The following LRP1B variants were observed in gnomAD, a reference collection of about 807,000 sequenced individuals.
The protein encoded by LRP1B is LDL receptor related protein 1B, also known as low-density lipoprotein receptor-related protein 1B.
In LRP1B, 217 loss-of-function variants were observed where a neutral mutation model predicts 556.6. That is an observed-to-expected ratio of 0.39 (90% CI 0.35 to 0.44). The LOEUF (loss-of-function observed/expected upper bound fraction) is 0.44. LRP1B is among the 20% of genes least tolerant of loss of function. The pLI, the probability that LRP1B is intolerant of heterozygous loss-of-function variation, is 1.00. For synonymous variants in LRP1B, 2,047 were observed against 1,865.8 expected (o/e 1.10, Z -2.50); for missense variants, 5,053 against 5,620.8 (o/e 0.90, Z 3.23).
intron 27 of LRP1B, among the ~76,000 whole-genome samples, chr2:140,866,360 A>C (rs1267920197): frequency 6.6e-6 from 1 of 152,130 alleles, no homozygotes; most frequent in Non-Finnish European, 1.5e-5. Flanking sequence ...ATTTAAATTT[A>C]ATCAAATTCA....
chr2:141,430,173 T>G (rs1371531775), intron 3 of LRP1B, among the ~76,000 whole-genome samples: 1 of 137,352 alleles, frequency 7.3e-6, no homozygotes, highest in Non-Finnish European at 1.6e-5. Flanking sequence ...GTCTGAGCAG[T>G]GTCTATTACA....
intron 5 of LRP1B, among the ~76,000 whole-genome samples, chr2:141,238,055 T>C (rs1683724070): frequency 6.6e-6 from 1 of 152,182 alleles, no homozygotes. Context: ...ATGAAAGATA[T>C]GTAATTGATA....
chr2:141,850,860 T>C (rs982378878), intron 1 of LRP1B, among the ~76,000 whole-genome samples: 2 of 151,714 alleles, frequency 1.3e-5, no homozygotes, highest in Non-Finnish European at 2.9e-5. Flanking sequence ...GCTTTATTTT[T>C]TTCCTCCTTA....
chr2:140,761,457 T>C (rs910494328), intron 35 of LRP1B, among the ~76,000 whole-genome samples: 6 of 152,150 alleles, frequency 3.9e-5, no homozygotes, highest in Non-Finnish European at 7.4e-5. Context: ...TTCTAATAAA[T>C]AGAATATACC....
At chr2:140,253,747 T>C (rs1371697306) in intron 86 of LRP1B, among the ~76,000 whole-genome samples, 1 of 152,172 alleles carries the variant, frequency 6.6e-6, no homozygotes, top group African/African-American at 2.4e-5. Context: ...ACTGAATACA[T>C]TACATGCATC....
intron 35 of LRP1B, among the ~76,000 whole-genome samples, chr2:140,738,455 T>C (rs528406763): frequency 6.6e-6 from 1 of 152,234 alleles, no homozygotes; most frequent in African/African-American, 2.4e-5. Context: ...CTCAAATTTC[T>C]GAATGGGGAG....
chr2:141,052,613 T>C (rs1699068167), intron 10 of LRP1B, among the ~76,000 whole-genome samples: 1 of 152,104 alleles, frequency 6.6e-6, no homozygotes, highest in Non-Finnish European at 1.5e-5. Context: ...TTATATTTAT[T>C]AGCAAATGTC....
chr2:140,416,222 C>G (rs1162266864), intron 66 of LRP1B, among the ~76,000 whole-genome samples: 2 of 152,150 alleles, frequency 1.3e-5, no homozygotes, highest in Non-Finnish European at 2.9e-5. Context: ...TGTGAGGGAT[C>G]TAGGTTGACC....
At chr2:140,797,334 C>T (rs982768258) in intron 32 of LRP1B, among the ~76,000 whole-genome samples, 13 of 151,966 alleles carry the variant, frequency 8.6e-5, no homozygotes, top group African/African-American at 1.9e-4. Flanking sequence ...AAATAATTCA[C>T]GCTTTAATTT....
chr2:140,652,932 A>C (rs1351883782), intron 41 of LRP1B, among the ~76,000 whole-genome samples: 2 of 152,126 alleles, frequency 1.3e-5, no homozygotes, highest in South Asian at 2.1e-4. Context: ...TCTTAAAATT[A>C]CTTTAAAATA....
At chr2:140,345,631 T>C (rs1160259783) in intron 77 of LRP1B, among the ~76,000 whole-genome samples, 2 of 148,726 alleles carry the variant, frequency 1.3e-5, no homozygotes, top group African/African-American at 4.9e-5. Flanking sequence ...CCAGAATATG[T>C]TTGTGTATGT....
intron 2 of LRP1B, among the ~76,000 whole-genome samples, chr2:141,668,627 C>T (rs1181788728): frequency 6.6e-6 from 1 of 152,140 alleles, no homozygotes; most frequent in Non-Finnish European, 1.5e-5. Context: ...GCTCCCTGTC[C>T]ATCTCACTGA....
intron 2 of LRP1B, among the ~76,000 whole-genome samples, chr2:141,505,091 C>T (rs570769344): frequency 1.3e-3 from 139 of 110,108 alleles, no homozygotes; most frequent in African/African-American, 4.8e-3. Flanking sequence ...TAAATCCCTC[C>T]TCTCTCTCTC....
chr2:142,116,080 G>A (rs1460110152), intron 1 of LRP1B, among the ~76,000 whole-genome samples: 6 of 146,422 alleles, frequency 4.1e-5, no homozygotes, highest in East Asian at 2.0e-4. Context: ...ATCTGGGTGC[G>A]GTTGCATATG....
At chr2:141,909,544 T>A (rs1247275545) in intron 1 of LRP1B, among the ~76,000 whole-genome samples, 5 of 143,786 alleles carry the variant, frequency 3.5e-5, no homozygotes, top group Non-Finnish European at 7.6e-5. Flanking sequence ...TTTTTTTTTT[T>A]TTTTTTTTTT....
intron 1 of LRP1B, among the ~76,000 whole-genome samples, chr2:142,086,396 T>C (rs1047594839): frequency 1.3e-5 from 2 of 151,924 alleles, no homozygotes; most frequent in African/African-American, 4.8e-5. Context: ...GATCACGAGG[T>C]CCAGAGATAG....
chr2:141,844,740 C>G (rs1224088336), intron 1 of LRP1B, among the ~76,000 whole-genome samples: 1 of 151,942 alleles, frequency 6.6e-6, no homozygotes, highest in Non-Finnish European at 1.5e-5. Context: ...ATTATTGTGT[C>G]AAACTACTAT....
intron 2 of LRP1B, among the ~76,000 whole-genome samples, chr2:141,512,177 G>C (rs1684155533): frequency 6.6e-6 from 1 of 152,012 alleles, no homozygotes; most frequent in African/African-American, 2.4e-5. Context: ...TGACAAATAG[G>C]TAAAATTTAT....
At chr2:140,256,542 C>T (rs1292409988) in intron 86 of LRP1B, among the ~76,000 whole-genome samples, 1 of 128,516 alleles carries the variant, frequency 7.8e-6, no homozygotes, top group Non-Finnish European at 1.6e-5. Flanking sequence ...GATCTCAGCT[C>T]ACTGCAACCT....
Sources: allele counts gnomAD v4.1 joint callset (sites outside exome capture counted in the v4.1 genomes callset), GRCh38; gene constraint gnomAD v4.1.1; transcripts MANE v1.5; gene names NCBI Gene and HGNC (gene_info 2026-07-23, HGNC 2026-07-21).